The following SRR variants were observed in gnomAD, a reference collection of about 807,000 sequenced individuals.
SRR encodes serine racemase.
A neutral mutation model predicts 32.7 loss-of-function variants in SRR; 19 were observed. The ratio of observed to expected loss-of-function variants is 0.58; its 90% CI spans 0.40 to 0.85. The LOEUF is 0.85. Among genes scored for constraint, SRR ranks in the 40% least tolerant of loss-of-function variants. The probability of loss-of-function intolerance (pLI) is 0.00; values close to 1 mark genes in which losing one functional copy is unlikely to be tolerated. For synonymous variants in SRR, 142 were observed against 140.9 expected (o/e 1.01, Z -0.06); for missense variants, 373 against 404.7 (o/e 0.92, Z 0.67).
At chr17:2,303,399 G>A (rs1345385433), upstream of SRR, 2 of 1,247,696 alleles carry the variant, frequency 1.6e-6, no homozygotes, top group East Asian at 3.2e-5. Flanking sequence ...AAAGAGGGTG[G>A]AGGCAGGAAT....
chr17:2,314,239 C>T (rs1218469522), intron 1 of SRR, among the ~76,000 whole-genome samples: 6 of 151,682 alleles, frequency 4.0e-5, no homozygotes, highest in South Asian at 4.2e-4. Context: ...CACCTGAGGT[C>T]GGGAGTTCGA....
intron 1 of SRR, 107 bp from the exon 2 acceptor site, chr17:2,315,450 T>C: frequency 9.3e-7 from 1 of 1,076,328 alleles, no homozygotes; most frequent in Non-Finnish European, 1.3e-6. Context: ...AATTTCCACA[T>C]GACACCACAG....
chr17:2,303,570 G>A, upstream of SRR: 2 of 1,358,802 alleles, frequency 1.5e-6, no homozygotes, highest in East Asian at 3.1e-5. Context: ...GGAGGAGGCA[G>A]AGGAGGAGGA....
At chr17:2,307,487 C>A in intron 1 of SRR, 1 of 1,435,840 alleles carries the variant, frequency 7.0e-7, no homozygotes, top group Non-Finnish European at 9.7e-7. Context: ...GTGGGGATGG[C>A]TATAATGGAT....
At position 2,324,268 on chromosome 17, in the gene SRR, T is replaced by C. The variant is rs776923067; in HGVS notation, c.*395T>C. The C allele has an allele frequency of 5.1e-5, 79 of 1,551,754 alleles. No individual in the cohort carries two copies. The highest frequency in any genetic ancestry group is 6.5e-5 in the Non-Finnish European group (75 of 1,154,646). The stretch of plus-strand genomic sequence containing the variant: ...GCCAGGGTACTGGTTCTGGTACATA[T>C]GGATCATAAGTCCATTTGGGGAAGA... On this transcript the variant is annotated 3_prime_UTR_variant, in exon 8 of 8. Transcript: ENST00000344595.
At chr17:2,322,851 C>G (rs1029065849) in intron 6 of SRR, 50 of 384,566 alleles carry the variant, frequency 1.3e-4, no homozygotes, top group African/African-American at 1.0e-3. Context: ...TGCAACCTAC[C>G]CCTCCCAAGT....
At chr17:2,317,730 T>C (rs879412050) in intron 2 of SRR, 140 bp from the exon 3 acceptor site, 4 of 827,598 alleles carry the variant, frequency 4.8e-6, no homozygotes, top group East Asian at 2.7e-5. Flanking sequence ...AAGATGCACA[T>C]GAGATATTTA....
chr17:2,313,988 TTTG>T (rs1449604853), intron 1 of SRR, among the ~76,000 whole-genome samples: 4 of 152,208 alleles, frequency 2.6e-5, no homozygotes, highest in Non-Finnish European at 1.5e-5. Context: ...TATAGATTCT[TTTG>T]TAATAAGGAA....
intron 4 of SRR, among the ~76,000 whole-genome samples, chr17:2,320,251 C>CTT (rs35025479): frequency 0.044 from 3,363 of 76,676 alleles, 336 homozygotes; most frequent in Non-Finnish European, 0.053. Context: ...CATCTCTCAT[C>CTT]TTTTTTTTTT....
intron 1 of SRR, chr17:2,306,757 G>A (rs1353797016): frequency 2.4e-5 from 15 of 624,954 alleles, no homozygotes; most frequent in Admixed American, 1.6e-4. Flanking sequence ...CATGGACACC[G>A]CCAAGTCTAA....
chr17:2,303,885 C>T, upstream of SRR: 3 of 547,556 alleles, frequency 5.5e-6, no homozygotes, highest in Non-Finnish European at 9.2e-6. Context: ...GGAAAAGCGC[C>T]CGCCGCCGGT....
At chr17:2,313,878 C>T (rs1052116058) in intron 1 of SRR, among the ~76,000 whole-genome samples, 1 of 152,134 alleles carries the variant, frequency 6.6e-6, no homozygotes, top group Non-Finnish European at 1.5e-5. Flanking sequence ...GAAAGGTAAA[C>T]CACTGGATAG....
intron 4 of SRR, among the ~76,000 whole-genome samples, chr17:2,320,432 C>T (rs2075517739): frequency 6.9e-6 from 1 of 144,338 alleles, no homozygotes; most frequent in East Asian, 2.1e-4. Flanking sequence ...ATTTTTGATT[C>T]TTTAGTACAG....
chr17:2,314,894 AAAAAT>A (rs1220638435), intron 1 of SRR, among the ~76,000 whole-genome samples: 1 of 151,702 alleles, frequency 6.6e-6, no homozygotes, highest in Non-Finnish European at 1.5e-5. Flanking sequence ...TTTATAAATT[AAAAAT>A]AATATAAAAA....
intron 4 of SRR, among the ~76,000 whole-genome samples, chr17:2,319,880 G>A (rs1031996536): frequency 6.8e-6 from 1 of 146,088 alleles, no homozygotes; most frequent in Admixed American, 7.1e-5. Flanking sequence ...GTGCAGTGGT[G>A]CCATCTTGGC....
At position 2,323,638 on chromosome 17, in the gene SRR, C is replaced by T; in HGVS notation, c.805-17C>T. Reference sequence around the variant, plus strand: ...GACTCCCCTTTCACTAATTCCTACTCCCTTCCATATCAACAGTGTGCAACC... The same window carrying T: ...GACTCCCCTTTCACTAATTCCTACTTCCTTCCATATCAACAGTGTGCAACC... On this transcript the variant is annotated splice_polypyrimidine_tract_variant and intron_variant, in intron 7 of 7. Transcript: ENST00000344595. 1 of 1,612,534 alleles carries T rather than the reference C, an allele frequency of 6.2e-7. No individual in the cohort carries two copies.
intron 4 of SRR, 83 bp from the exon 5 acceptor site, chr17:2,321,223 A>G: frequency 1.3e-6 from 2 of 1,531,546 alleles, no homozygotes; most frequent in South Asian, 1.2e-5. Flanking sequence ...GTAGATGGTC[A>G]ATAAAATGCT....
chr17:2,322,129 C>T (rs530727353), intron 6 of SRR, among the ~76,000 whole-genome samples: 25 of 152,214 alleles, frequency 1.6e-4, no homozygotes, highest in African/African-American at 5.1e-4. Flanking sequence ...TGGGGTCTTG[C>T]TGTGTTGGCC....
intron 3 of SRR, among the ~76,000 whole-genome samples, chr17:2,318,619 A>ATTTTTTTTTTT (rs35847724): frequency 1.5e-4 from 14 of 92,530 alleles, no homozygotes; most frequent in South Asian, 1.2e-3. Context: ...ATGCCTGGCT[A>ATTTTTTTTTTT]TTTTTTTTTT....
Sources: gnomAD v4.1 joint callset for allele counts (sites outside exome capture counted in the v4.1 genomes callset) on GRCh38, gnomAD v4.1.1 for gene constraint, MANE v1.5 for transcripts, NCBI Gene and HGNC (gene_info 2026-07-23, HGNC 2026-07-21) for gene names.